The following COL22A1 variants were observed in gnomAD, a reference collection of about 807,000 sequenced individuals.
COL22A1 encodes collagen type XXII alpha 1 chain.
In COL22A1, 221 loss-of-function variants were observed where a neutral mutation model predicts 248.9. The ratio of observed to expected loss-of-function variants is 0.89; its 90% CI spans 0.80 to 0.99. The LOEUF (loss-of-function observed/expected upper bound fraction) is 0.99, where lower values mean the gene tolerates loss of function less well. Ranked by LOEUF, COL22A1 falls within the 50% of genes least tolerant of loss-of-function variation. COL22A1 has a pLI of 0.00. For missense variants in COL22A1, 2,240 were observed against 2,179.0 expected (o/e 1.03, Z -0.56); for synonymous variants, 891 against 793.4 (o/e 1.12, Z -2.07).
At chr8:138,663,846 G>A (rs1824204363) in intron 41 of COL22A1, 106 bp from the exon 42 acceptor site, 13 of 823,754 alleles carry the variant, frequency 1.6e-5, no homozygotes. Context: ...CCTAGGAGGA[G>A]TCACTAACTT....
chr8:138,878,327 G>A lies in COL22A1; in HGVS notation c.92-11C>T. 5.9e-6 allele frequency: 9 copies of A among 1,515,584 alleles called. No homozygotes were observed. Among genetic ancestry groups the A allele is most frequent in the Non-Finnish European group, 7.1e-6 (8 of 1,127,370 alleles). The allele number at this position is 1,515,584 out of a possible 1,614,324, so 93.9% of individuals were successfully genotyped here. A position where few individuals can be genotyped will look rare whatever the true frequency, so the allele number is the denominator to read the frequency against. ...GGACACTTTTGCAACCTGCAGGGGT[G>A]AGAGAAGGGGTGGCGTAGGGCAAAT... On this transcript the variant is annotated splice_polypyrimidine_tract_variant and intron_variant, in intron 2 of 64. Coordinates refer to ENST00000303045, the MANE Select transcript of COL22A1 (RefSeq NM_152888.3).
At chr8:138,797,518 G>A (rs1047577672) in intron 11 of COL22A1, among the ~76,000 whole-genome samples, 1 of 152,052 alleles carries the variant, frequency 6.6e-6, no homozygotes. Flanking sequence ...TCTACTTTTG[G>A]CTATTGTAAA....
At chr8:138,768,369 G>A (rs529427150) in intron 16 of COL22A1, among the ~76,000 whole-genome samples, 42 of 152,192 alleles carry the variant, frequency 2.8e-4, no homozygotes, top group African/African-American at 9.9e-4. Flanking sequence ...CCACAGGATC[G>A]CCTCTTTCTA....
intron 39 of COL22A1, among the ~76,000 whole-genome samples, chr8:138,681,006 C>T (rs1825920795): frequency 6.6e-6 from 1 of 152,182 alleles, no homozygotes; most frequent in Non-Finnish European, 1.5e-5. Context: ...GGGGTCTCAG[C>T]CTGCCTCTGC....
intron 1 of COL22A1, among the ~76,000 whole-genome samples, chr8:138,896,264 A>C (rs1057363066): frequency 5.9e-5 from 9 of 152,224 alleles, no homozygotes; most frequent in Non-Finnish European, 1.2e-4. Flanking sequence ...AAATTTGATG[A>C]CTAAGCAAAA....
intron 47 of COL22A1, among the ~76,000 whole-genome samples, chr8:138,645,209 C>T (rs375959893): frequency 9.9e-5 from 15 of 152,196 alleles, no homozygotes; most frequent in African/African-American, 3.6e-4. Flanking sequence ...ATGTGACGTA[C>T]GAACAAACAT....
chr8:138,745,613 A>C (rs1832042519), intron 22 of COL22A1, among the ~76,000 whole-genome samples: 1 of 152,250 alleles, frequency 6.6e-6, no homozygotes, highest in South Asian at 2.1e-4. Flanking sequence ...CATTCTATTA[A>C]AGAAAACAAA....
chr8:138,749,533 G>A (rs549124910), intron 22 of COL22A1, among the ~76,000 whole-genome samples: 7 of 152,282 alleles, frequency 4.6e-5, no homozygotes, highest in South Asian at 4.1e-4. Flanking sequence ...GAGCATGTGC[G>A]GGAGCATGTT....
chr8:138,900,058 T>C (rs1814428119), intron 1 of COL22A1, among the ~76,000 whole-genome samples: 1 of 152,210 alleles, frequency 6.6e-6, no homozygotes, highest in South Asian at 2.1e-4. Flanking sequence ...CAGAAGGGGC[T>C]AGCAAAACAT....
At position 138,779,520 on chromosome 8, in the gene COL22A1, C is replaced by A. The variant is rs1814763811; in HGVS notation, c.1693G>T (p.Val565Phe). 1 of 1,612,484 alleles carries A rather than the reference C, an allele frequency of 6.2e-7. No individual in the cohort carries two copies. The highest frequency in any genetic ancestry group is 8.5e-7 in the Non-Finnish European group (1 of 1,178,646). ...ACAGCAACACTCACCCGCATGCCGA[C>A]CTCACCCGGCAGCCCCGGCTCTCCC... is the stretch of plus-strand genomic sequence containing the variant. ...ELGEPGLPGEVGMRGPQGPPG... is the reference protein window; with the variant it reads ...ELGEPGLPGEFGMRGPQGPPG... Residue 565 changes from valine (V) to phenylalanine (F), a missense_variant, in exon 14 of 65, where the codon GTC becomes TTC. Physicochemically the swap from Val to Phe is conservative, Grantham distance 50 (BLOSUM62 -1). Transcript: ENST00000303045.
chr8:138,771,909 C>T (rs988068501), intron 16 of COL22A1, among the ~76,000 whole-genome samples: 3 of 152,174 alleles, frequency 2.0e-5, no homozygotes, highest in Admixed American at 6.5e-5. Flanking sequence ...GGAGCTCACC[C>T]GAAGCCCCCG....
At chr8:138,797,952 ATAT>A (rs1360108026) in intron 11 of COL22A1, among the ~76,000 whole-genome samples, 1 of 150,558 alleles carries the variant, frequency 6.6e-6, no homozygotes, top group Non-Finnish European at 1.5e-5. Flanking sequence ...ATTTTGTCTA[ATAT>A]TAGTACAGTC....
chr8:138,736,834 C>T (rs559834625), intron 23 of COL22A1, among the ~76,000 whole-genome samples: 2 of 152,178 alleles, frequency 1.3e-5, no homozygotes, highest in Admixed American at 1.3e-4. Flanking sequence ...CATCATTTTA[C>T]AGATGGGGAA....
chr8:138,598,759 G>T lies in COL22A1; in HGVS notation c.4325C>A (p.Pro1442His), dbSNP rs1010366905. ...TCCCGGCTGGCCTGGAGGCCCTGGG[G>T]GTCCAACTGGTCCATTCTCCCCAGG... ...GLPGENGPVGPPGPPGQPGFP... is the reference protein window; with the variant it reads ...GLPGENGPVGHPGPPGQPGFP... Residue 1442 changes from proline (P) to histidine (H), a missense_variant, in exon 61 of 65, where the codon CCC (proline) becomes CAC (histidine). Transcript: ENST00000303045. 1.2e-6 allele frequency: 2 copies of T among 1,613,834 alleles called. No homozygotes were observed. Among genetic ancestry groups the T allele is most frequent in the Non-Finnish European group, 1.7e-6 (2 of 1,179,970 alleles).
At chr8:138,821,731 G>C (rs1182082441) in intron 6 of COL22A1, among the ~76,000 whole-genome samples, 1 of 152,208 alleles carries the variant, frequency 6.6e-6, no homozygotes, top group African/African-American at 2.4e-5. Flanking sequence ...GCGGGTAAGA[G>C]AGCTTTGGTG....
Position 138,762,425 on chromosome 8 carries a change from GT to G in COL22A1, c.1844del (p.Asp615AlafsTer41). 1.2e-6 allele frequency: 2 copies of G among 1,614,082 alleles called. No homozygotes were observed. Among genetic ancestry groups the G allele is most frequent in the Non-Finnish European group, 1.7e-6 (2 of 1,179,990 alleles). ...AGCACCCACCTACCTGCTGTCCTGT[GT>G]CCCCAGGCTTCCCAGGGAATCCATC... is the stretch of plus-strand genomic sequence containing the variant. ...GLDGFPGKPGDTGQQGRPGPS... is the reference protein window; with the variant it reads ...GLDGFPGKPGXTGQQGRPGPS... On this transcript the variant is annotated frameshift_variant, in exon 17 of 65. Coordinates refer to ENST00000303045, the MANE Select transcript of COL22A1 (RefSeq NM_152888.3). LOFTEE classifies it high-confidence loss of function.
intron 16 of COL22A1, among the ~76,000 whole-genome samples, chr8:138,775,070 A>T (rs1403539112): frequency 3.3e-5 from 5 of 152,220 alleles, no homozygotes; most frequent in Non-Finnish European, 7.3e-5. Flanking sequence ...GTTGAAGAAC[A>T]AGTTCCTATG....
At position 138,803,426 on chromosome 8, in the gene COL22A1, A is replaced by G. The variant is rs143016589; in HGVS notation, c.1495-492T>C. 2.6e-3 allele frequency among the ~76,000 whole-genome samples: 401 copies of G among 152,312 alleles called. 2 individuals carry two copies. Among genetic ancestry groups the G allele is most frequent in the African/African-American group, 9.1e-3 (380 of 41,564 alleles). ...GTACTAACCAGGCCCGACCCTGCTT[A>G]GCTTCCGAGATCAGACGAGATCGGG... On this transcript the variant is annotated intron_variant, in intron 10 of 64. Transcript: ENST00000303045.
At chr8:138,791,562 T>C (rs1816041360) in intron 12 of COL22A1, among the ~76,000 whole-genome samples, 1 of 152,208 alleles carries the variant, frequency 6.6e-6, no homozygotes, top group Non-Finnish European at 1.5e-5. Flanking sequence ...TTTCCTCCAT[T>C]TGGTAATTAG....
Sources: gnomAD v4.1 joint callset for allele counts (sites outside exome capture counted in the v4.1 genomes callset) on GRCh38, gnomAD v4.1.1 for gene constraint, MANE v1.5 for transcripts, NCBI Gene and HGNC (gene_info 2026-07-23, HGNC 2026-07-21) for gene names.